Variants in CCDC85A observed in about 807,000 individuals in gnomAD.
CCDC85A encodes the protein coiled-coil domain-containing protein 85A.
In CCDC85A, 38 loss-of-function variants were observed where a neutral mutation model predicts 50.2. The observed-to-expected ratio is 0.76, with a 90% CI of 0.58 to 0.99. The LOEUF (loss-of-function observed/expected upper bound fraction) is 0.99. Ranked by LOEUF, CCDC85A falls within the 50% of genes least tolerant of loss-of-function variation. The pLI, the probability that CCDC85A is intolerant of heterozygous loss-of-function variation, is 0.00. For missense variants in CCDC85A, 820 were observed against 742.0 expected (o/e 1.11, Z -1.22); for synonymous variants, 366 against 301.4 (o/e 1.21, Z -2.22).
intron 2 of CCDC85A, among the ~76,000 whole-genome samples, chr2:56,288,518 C>T (rs1671550656): frequency 2.0e-5 from 3 of 151,980 alleles, no homozygotes; most frequent in African/African-American, 7.3e-5. Flanking sequence ...CATATTTTAG[C>T]CTCAAAGAGT....
In CCDC85A at chr2:56,184,526, G is replaced by T. The variant is rs1675906928; in HGVS notation, c.-99G>T. ...TGGGCGGTGCCGCTGACTCGCCGGA[G>T]CGCACAGGGGTGTGGGCGGAGGCGG... On this transcript the variant is annotated 5_prime_UTR_variant, in exon 1 of 6. Transcript: ENST00000407595. The T allele has an allele frequency of 8.1e-7, 1 of 1,241,174 alleles. No homozygotes were observed. The highest frequency in any genetic ancestry group is 1.0e-6 in the Non-Finnish European group (1 of 979,648). The allele number at this position is 1,241,174 out of a possible 1,614,324, so 76.9% of individuals were successfully genotyped here.
chr2:56,282,540 G>A (rs927882440), intron 2 of CCDC85A, among the ~76,000 whole-genome samples: 5 of 152,156 alleles, frequency 3.3e-5, no homozygotes, highest in Non-Finnish European at 7.3e-5. Flanking sequence ...ATGGAGTCTA[G>A]CTGTTGTTGC....
At chr2:56,254,086 G>A (rs1397717934) in intron 2 of CCDC85A, among the ~76,000 whole-genome samples, 2 of 152,058 alleles carry the variant, frequency 1.3e-5, no homozygotes, top group African/African-American at 2.4e-5. Flanking sequence ...ACATATATGT[G>A]CACATACACA....
intron 3 of CCDC85A, among the ~76,000 whole-genome samples, chr2:56,347,387 T>C (rs1305381762): frequency 6.6e-6 from 1 of 152,238 alleles, no homozygotes; most frequent in Non-Finnish European, 1.5e-5. Flanking sequence ...GTAATTAAGC[T>C]ACTAAACCTA....
intron 2 of CCDC85A, among the ~76,000 whole-genome samples, chr2:56,290,227 C>T (rs1671639003): frequency 6.6e-6 from 1 of 152,172 alleles, no homozygotes; most frequent in African/African-American, 2.4e-5. Context: ...GTCATCCTAG[C>T]TAGTTAATTA....
intron 2 of CCDC85A, among the ~76,000 whole-genome samples, chr2:56,340,486 C>T (rs1297052661): frequency 1.3e-5 from 2 of 152,090 alleles, no homozygotes; most frequent in Non-Finnish European, 1.5e-5. Context: ...TATGAGTCTG[C>T]AGCAGCCCCA....
chr2:56,281,459 A>C (rs538411280), intron 2 of CCDC85A, among the ~76,000 whole-genome samples: 43 of 152,270 alleles, frequency 2.8e-4, no homozygotes, highest in African/African-American at 9.9e-4. Context: ...ATTGCAAGTC[A>C]TAGGGTAGGT....
Position 56,192,563 on chromosome 2 carries a change from G to T in CCDC85A, c.363G>T (p.Arg121Ser). 6.2e-7 allele frequency: 1 copy of T among 1,613,938 alleles called. No individual in the cohort carries two copies. The highest frequency in any genetic ancestry group is 8.5e-7 in the Non-Finnish European group (1 of 1,179,884). The change falls in exon 2 of 6, where the codon AGG becomes AGT. Residue 121 changes from arginine (R) to serine (S), a missense_variant. Arg to Ser is a moderately radical substitution (Grantham distance 110). Coordinates refer to ENST00000407595, the MANE Select transcript of CCDC85A (RefSeq NM_001080433.2). The surrounding 1 kb of genome is among the most constrained non-coding windows in gnomAD (Gnocchi z 4.7). ...FLDDDRQKGK[R>S]VSREWQRLGR... ...ATGATGACCGGCAGAAAGGCAAGAG[G>T]GTGTCTCGGGAGTGGCAGAGACTGG... is the stretch of plus-strand genomic sequence containing the variant.
chr2:56,327,831 C>CAAA (rs70955016), intron 2 of CCDC85A, among the ~76,000 whole-genome samples: 23 of 93,242 alleles, frequency 2.5e-4, no homozygotes, highest in South Asian at 7.5e-4. Context: ...TAGAGTAAGG[C>CAAA]AAAAAAAAAA....
chr2:56,267,103 TG>T (rs765416019), intron 2 of CCDC85A, among the ~76,000 whole-genome samples: 2 of 152,186 alleles, frequency 1.3e-5, no homozygotes, highest in Non-Finnish European at 2.9e-5. Context: ...AATATGTTCT[TG>T]GGCTTGGTTT....
At chr2:56,222,240 T>A (rs557891364) in intron 2 of CCDC85A, among the ~76,000 whole-genome samples, 23 of 152,272 alleles carry the variant, frequency 1.5e-4, no homozygotes, top group Non-Finnish European at 2.8e-4. Context: ...TATTACAGTG[T>A]AGACACTGAG....
At chr2:56,321,616 C>G (rs1673190838) in intron 2 of CCDC85A, among the ~76,000 whole-genome samples, 1 of 152,176 alleles carries the variant, frequency 6.6e-6, no homozygotes, top group South Asian at 2.1e-4. Context: ...AGGAGAACTA[C>G]AAACCACTGT....
intron 2 of CCDC85A, among the ~76,000 whole-genome samples, chr2:56,228,658 G>A (rs1029460136): frequency 6.6e-6 from 1 of 151,688 alleles, no homozygotes; most frequent in Non-Finnish European, 1.5e-5. Context: ...TCAGCCTCCC[G>A]AGTAGCTGGG....
chr2:56,231,750 A>G (rs1319518011), intron 2 of CCDC85A, among the ~76,000 whole-genome samples: 1 of 152,156 alleles, frequency 6.6e-6, no homozygotes, highest in East Asian at 1.9e-4. Flanking sequence ...TTATTGTAGG[A>G]AAAAGATCCT....
rs370893894 is a variant in CCDC85A, at chr2:56,324,623, A to C, written c.1241-18256A>C. On this transcript the variant is annotated intron_variant, in intron 2 of 5. Transcript: ENST00000407595. ...GGTAGACTTTTTAAAAATAATTTTA[A>C]TGTGTTCTAAAGGGGAATGTTTTTG... 4.6e-5 allele frequency among the ~76,000 whole-genome samples: 7 copies of C among 152,226 alleles called. No individual in the cohort carries two copies. In the East Asian group the frequency reaches 1.4e-3, roughly 29 times the overall value.
chr2:56,294,463 A>G (rs1349696472), intron 2 of CCDC85A, among the ~76,000 whole-genome samples: 8 of 152,178 alleles, frequency 5.3e-5, no homozygotes, highest in Non-Finnish European at 1.2e-4. Flanking sequence ...AAAAAATCAG[A>G]TTTCCAAGTC....
At chr2:56,206,687 A>G (rs997443589) in intron 2 of CCDC85A, among the ~76,000 whole-genome samples, 1 of 152,158 alleles carries the variant, frequency 6.6e-6, no homozygotes, top group Non-Finnish European at 1.5e-5. Context: ...ATCTCCCAAC[A>G]CTGCTGCATT....
At chr2:56,276,876 A>G (rs1367838565) in intron 2 of CCDC85A, among the ~76,000 whole-genome samples, 3 of 152,150 alleles carry the variant, frequency 2.0e-5, no homozygotes, top group African/African-American at 7.2e-5. Flanking sequence ...CCAGTGAGTG[A>G]TGGCTTAGCC....
At chr2:56,213,506 A>G (rs963173955) in intron 2 of CCDC85A, among the ~76,000 whole-genome samples, 14 of 152,046 alleles carry the variant, frequency 9.2e-5, no homozygotes, top group African/African-American at 3.4e-4. Context: ...GTCAAAGATA[A>G]AATTACCTAT....
Sources: allele counts gnomAD v4.1 joint callset (sites outside exome capture counted in the v4.1 genomes callset), GRCh38; gene constraint gnomAD v4.1.1; non-coding constraint Gnocchi (gnomAD v3.1); transcripts MANE v1.5; gene names NCBI Gene and HGNC (gene_info 2026-07-23, HGNC 2026-07-21).